The following KCNAB2 variants were observed in gnomAD, a reference collection of about 807,000 sequenced individuals.
KCNAB2 encodes the protein voltage-gated potassium channel subunit beta-2.
KCNAB2 carries 29 observed loss-of-function variants against 63.6 expected under a neutral mutation model. The ratio of observed to expected loss-of-function variants is 0.46; its 90% CI spans 0.34 to 0.62. The LOEUF (loss-of-function observed/expected upper bound fraction) is 0.62, where lower values mean the gene tolerates loss of function less well. Among genes scored for constraint, KCNAB2 ranks in the 20% least tolerant of loss-of-function variants. The pLI is 0.01. For synonymous variants in KCNAB2, 222 were observed against 224.2 expected, an observed-to-expected ratio of 0.99 and a Z score of 0.09; for missense variants, 359 against 563.9, an observed-to-expected ratio of 0.64 and a Z score of 3.68.
rs1665639347 is a variant in KCNAB2 at position 6,096,352 on chromosome 1, G to C, written c.949-284G>C. 2.0e-6 allele frequency: 1 copy of C among 506,402 alleles called. No homozygotes were observed. The highest frequency in any genetic ancestry group is 3.3e-5 in the Admixed American group (1 of 30,682). The allele number at this position is 506,402 out of a possible 1,614,324, so 31.4% of individuals were successfully genotyped here. ...AAGTTTCCTAAGAGAAGGAAGGCCA[G>C]CACCTCGCCTCCTTGTCCTGACTTG... On this transcript the variant is annotated intron_variant, in intron 13 of 15. Transcript: ENST00000378083. This position sits in a 1 kb window ranked among gnomAD's most constrained non-coding sequence, Gnocchi z 5.9.
intron 1 of KCNAB2, among the ~76,000 whole-genome samples, chr1:6,047,977 G>A (rs1309502296): frequency 2.0e-5 from 3 of 152,212 alleles, no homozygotes; most frequent in Non-Finnish European, 4.4e-5. Context: ...TGCTCCCAGG[G>A]CTGCAACATG....
intron 2 of KCNAB2, among the ~76,000 whole-genome samples, chr1:6,052,216 G>A (rs918360656): frequency 3.3e-5 from 5 of 152,134 alleles, no homozygotes; most frequent in Non-Finnish European, 5.9e-5. Context: ...GAGCCCAGAA[G>A]TCTGAGACCA....
chr1:6,091,204 G>A (rs530905835), intron 9 of KCNAB2, 59 bp from the exon 10 acceptor site: 7 of 1,281,196 alleles, frequency 5.5e-6, no homozygotes, highest in South Asian at 5.1e-5. Context: ...GTCGTGCCAC[G>A]CCTCTCAGTG....
chr1:6,047,157 C>T (rs1031890934), intron 1 of KCNAB2, among the ~76,000 whole-genome samples: 1 of 152,078 alleles, frequency 6.6e-6, no homozygotes, highest in Non-Finnish European at 1.5e-5. Context: ...GGAAAGCGGC[C>T]GGGATTTGGG....
At chr1:6,054,363 C>T (rs1025000665) in intron 2 of KCNAB2, among the ~76,000 whole-genome samples, 3 of 152,220 alleles carry the variant, frequency 2.0e-5, no homozygotes, top group East Asian at 1.9e-4. Flanking sequence ...GGTGAGGTGG[C>T]TCACGCCTGT....
At chr1:6,084,603 A>G (rs977680958) in intron 5 of KCNAB2, among the ~76,000 whole-genome samples, 33 of 152,082 alleles carry the variant, frequency 2.2e-4, no homozygotes, top group Admixed American at 2.0e-4. Flanking sequence ...ATCACTCGAG[A>G]TGAGGAGTTC....
rs1041853416 is a variant in KCNAB2 at position 6,035,607 on chromosome 1, C to G, written c.-53+813C>G. Among the ~76,000 whole-genome samples, 1 of 152,018 alleles carries G rather than the reference C, an allele frequency of 6.6e-6. No homozygotes were observed. The highest frequency in any genetic ancestry group is 6.6e-5 in the Admixed American group (1 of 15,260). On this transcript the variant is annotated intron_variant, in intron 1 of 15. Coordinates refer to the KCNAB2 transcript ENST00000164247. The surrounding 1 kb of genome is among the most constrained non-coding windows in gnomAD (Gnocchi z 5.0). ...ACCTGGGAGGGTGGGGAGCTCGTTA[C>G]TCATCTGGGGCCACCCTGGGAAGAA...
chr1:6,009,397 G>A (rs1658014992), intron 1 of KCNAB2, among the ~76,000 whole-genome samples: 2 of 152,132 alleles, frequency 1.3e-5, no homozygotes, highest in Admixed American at 6.5e-5. Flanking sequence ...GTCCGTGTGC[G>A]TGTATGTGTG....
At position 6,035,154 on chromosome 1, in the gene KCNAB2, GA is replaced by G. The variant is rs1164260081; in HGVS notation, c.-53+361del. Among the ~76,000 whole-genome samples the G allele has an allele frequency of 6.6e-6, 1 of 152,182 alleles. No individual in the cohort carries two copies. The highest frequency in any genetic ancestry group is 1.5e-5 in the Non-Finnish European group (1 of 68,044). On this transcript the variant is annotated intron_variant, in intron 1 of 15. Transcript: ENST00000164247. The surrounding 1 kb of genome is among the most constrained non-coding windows in gnomAD (Gnocchi z 5.0). ...AGTTGAATTCGGGCCGGAGGAGGAG[GA>G]GTGCATGAAGCCCTGAGGTGGGAGT...
chr1:6,096,888 C>T lies in KCNAB2; in HGVS notation c.1069+132C>T. 1.7e-6 allele frequency: 2 copies of T among 1,212,018 alleles called. No homozygotes were observed. The highest frequency in any genetic ancestry group is 2.2e-6 in the Non-Finnish European group (2 of 896,724). The allele number at this position is 1,212,018 out of a possible 1,614,324, so 75.1% of individuals were successfully genotyped here. The stretch of plus-strand genomic sequence containing the variant: ...AGGGAAGGGATCCCTGGACATCATC[C>T]CCCAGCCAGCCTCGGGTAATCGGGC... On this transcript the variant is annotated intron_variant, in intron 14 of 15. Transcript: ENST00000378083. The surrounding 1 kb of genome is among the most constrained non-coding windows in gnomAD (Gnocchi z 5.9).
intron 2 of KCNAB2, among the ~76,000 whole-genome samples, chr1:6,060,808 C>T (rs1489322798): frequency 6.8e-5 from 10 of 147,954 alleles, no homozygotes; most frequent in Non-Finnish European, 1.5e-5. Context: ...GTGGCTGAGG[C>T]AGGAGAATTG....
chr1:6,006,818 T>C (rs1352784824), intron 1 of KCNAB2, among the ~76,000 whole-genome samples: 1 of 150,504 alleles, frequency 6.6e-6, no homozygotes, highest in Non-Finnish European at 1.5e-5. Flanking sequence ...TGAGTTCCCC[T>C]GTGCAAGTGG....
At chr1:6,030,521 GTGTGTA>G (rs1482969542), upstream of KCNAB2, among the ~76,000 whole-genome samples, 11 of 149,582 alleles carry the variant, frequency 7.4e-5, no homozygotes, top group African/African-American at 2.7e-4. Context: ...ATGTATGTAT[GTGTGTA>G]TGTGTGTGTA....
At chr1:6,019,587 T>C (rs1658703830) in intron 1 of KCNAB2, among the ~76,000 whole-genome samples, 1 of 152,232 alleles carries the variant, frequency 6.6e-6, no homozygotes, top group African/African-American at 2.4e-5. Context: ...AGTTGGGCAC[T>C]GGAGCACCGG....
At chr1:6,041,723 A>G (rs1570934129), upstream of KCNAB2, 1 of 942,846 alleles carries the variant, frequency 1.1e-6, no homozygotes, top group Non-Finnish European at 1.7e-6. Flanking sequence ...GGGGCATGGG[A>G]CATTGGTGGT....
At chr1:5,999,513 G>T (rs536945979) in intron 1 of KCNAB2, among the ~76,000 whole-genome samples, 2 of 152,344 alleles carry the variant, frequency 1.3e-5, no homozygotes, top group African/African-American at 4.8e-5. Flanking sequence ...CTTTGCGGGG[G>T]TTTCTGTAAT....
chr1:6,094,434 G>C lies in KCNAB2; in HGVS notation c.681G>C (p.Gln227His), dbSNP rs1665448014. The change falls in exon 11 of 16, where the codon CAG (glutamine) becomes CAC (histidine). Residue 227 changes from glutamine to histidine, a missense_variant. Transcript: ENST00000378083. Reference sequence around the variant, plus strand: ...GCGCCATGACCCACGTCATCAACCAGGGGATGGCCATGTACTGGGGCACGT... The same window carrying C: ...GCGCCATGACCCACGTCATCAACCACGGGATGGCCATGTACTGGGGCACGT... ...TVRAMTHVIN[Q>H]GMAMYWGTSR... 3 of 1,612,028 alleles carry C rather than the reference G, an allele frequency of 1.9e-6. No individual in the cohort carries two copies. The highest frequency in any genetic ancestry group is 2.7e-5 in the African/African-American group (2 of 74,944).
chr1:6,085,079 A>C (rs1664580230), intron 5 of KCNAB2, 125 bp from the exon 6 acceptor site: 5 of 981,522 alleles, frequency 5.1e-6, no homozygotes, highest in Non-Finnish European at 8.1e-6. Flanking sequence ...GGCGGGTGTT[A>C]ACAGCCTGGC....
chr1:6,049,370 A>G (rs1661201800), intron 1 of KCNAB2, among the ~76,000 whole-genome samples: 1 of 152,224 alleles, frequency 6.6e-6, no homozygotes, highest in Admixed American at 6.5e-5. Flanking sequence ...AGGGGAGTGA[A>G]TTCAGCACAC....
Sources: allele counts gnomAD v4.1 joint callset (sites outside exome capture counted in the v4.1 genomes callset), GRCh38; gene constraint gnomAD v4.1.1; non-coding constraint Gnocchi (gnomAD v3.1); transcripts MANE v1.5; gene names NCBI Gene and HGNC (gene_info 2026-07-23, HGNC 2026-07-21).